The following BRAP variants were observed in gnomAD, a reference collection of about 807,000 sequenced individuals.
BRAP encodes the protein BRCA1-associated protein.
In BRAP, 42 loss-of-function variants were observed where a neutral mutation model predicts 73.4. That is an observed-to-expected ratio of 0.57 (90% CI 0.45 to 0.74). BRAP has a LOEUF of 0.74. BRAP is among the 30% of genes least tolerant of loss of function. The pLI is 0.00. For synonymous variants in BRAP, 255 were observed against 267.4 expected (o/e 0.95, Z 0.45); for missense variants, 593 against 751.4 (o/e 0.79, Z 2.46).
At position 111,665,709 on chromosome 12, in the gene BRAP, TCA is replaced by T; in HGVS notation, c.824_825del (p.Val275GlufsTer9). ...TTACATAACGTTGTGAGGATGCCATTCACAGACTCGTCCATGCGCTCCAGACA... is the reference window on the plus strand; with the variant it reads ...TTACATAACGTTGTGAGGATGCCATTCAGACTCGTCCATGCGCTCCAGACA... Reference protein sequence around the residue: ...TVCLERMDESVNGILTTLCNH... With the variant: ...TVCLERMDESXNGILTTLCNH... On this transcript the variant is annotated frameshift_variant, in exon 6 of 12. Coordinates refer to ENST00000419234, the MANE Select transcript of BRAP (RefSeq NM_006768.5). LOFTEE classifies it high-confidence loss of function. The surrounding 1 kb of genome is among the most constrained non-coding windows in gnomAD (Gnocchi z 4.3). 6.2e-7 allele frequency: 1 copy of T among 1,614,224 alleles called. No homozygotes were observed. Among genetic ancestry groups the T allele is most frequent in the Non-Finnish European group, 8.5e-7 (1 of 1,180,038 alleles).
intron 9 of BRAP, among the ~76,000 whole-genome samples, chr12:111,658,377 T>C (rs1350306289): frequency 6.6e-6 from 1 of 152,008 alleles, no homozygotes; most frequent in African/African-American, 2.4e-5. Flanking sequence ...CTCGGCTCAC[T>C]GCAACCTCTG....
intron 1 of BRAP, among the ~76,000 whole-genome samples, chr12:111,684,366 GC>G (rs1307656752): frequency 6.6e-6 from 1 of 152,164 alleles, no homozygotes; most frequent in Non-Finnish European, 1.5e-5. Context: ...GTGCTCATAA[GC>G]TATAAAGTCA....
chr12:111,660,810 T>A, intron 6 of BRAP, 135 bp from the exon 7 acceptor site: 1 of 554,322 alleles, frequency 1.8e-6, no homozygotes, highest in Non-Finnish European at 3.0e-6. Flanking sequence ...GGATATCACT[T>A]AAAATAAAAT....
intron 5 of BRAP, among the ~76,000 whole-genome samples, chr12:111,667,698 C>CAAAAAAAAAAAAAAAAAAAAA (rs565349424): frequency 1.5e-3 from 32 of 21,278 alleles, no homozygotes; most frequent in South Asian, 3.4e-3. Flanking sequence ...AACTCCGTCT[C>CAAAAAAAAAAAAAAAAAAAAA]AAAAAAAAAA....
rs901275618 is a variant in BRAP, at chr12:111,659,859, GT to G, written c.973-515del. 9.2e-5 allele frequency among the ~76,000 whole-genome samples: 14 copies of G among 151,366 alleles called. No individual in the cohort carries two copies. In the East Asian group the frequency reaches 1.9e-3, roughly 21 times the overall value. ...TAGCAAGACCCCAACTCTACAAAAT[GT>G]TTTTTTTGTAGAAAAAACAAAAACA... On this transcript the variant is annotated intron_variant, in intron 7 of 11. Transcript: ENST00000419234.
intron 11 of BRAP, among the ~76,000 whole-genome samples, chr12:111,648,014 A>C (rs937029690): frequency 6.6e-6 from 1 of 152,050 alleles, no homozygotes; most frequent in Admixed American, 6.6e-5. Flanking sequence ...AGATGTAGTG[A>C]GCTGGCCGAA....
chr12:111,685,103 T>C (rs1358609581), intron 1 of BRAP, among the ~76,000 whole-genome samples: 2 of 152,194 alleles, frequency 1.3e-5, no homozygotes, highest in Admixed American at 1.3e-4. Context: ...GCTCACTGAG[T>C]TAGAATCCCA....
intron 5 of BRAP, among the ~76,000 whole-genome samples, chr12:111,669,581 A>C (rs771473970): frequency 1.3e-5 from 2 of 152,144 alleles, no homozygotes; most frequent in Non-Finnish European, 2.9e-5. Flanking sequence ...CAATTCTTAA[A>C]AAGGTACCAT....
At chr12:111,684,302 A>G (rs1887714133) in intron 1 of BRAP, among the ~76,000 whole-genome samples, 1 of 152,198 alleles carries the variant, frequency 6.6e-6, no homozygotes, top group Non-Finnish European at 1.5e-5. Context: ...TATGCGGCTA[A>G]TATCAATTTA....
rs1430534534 is a variant in BRAP, at chr12:111,643,137, C to A, written c.*1062G>T. 1.3e-5 allele frequency: 2 copies of A among 152,120 alleles called. No individual in the cohort carries two copies. Among genetic ancestry groups the A allele is most frequent in the African/African-American group, 4.8e-5 (2 of 41,410 alleles). 9.4% of individuals were successfully genotyped at this position (152,120 alleles called of 1,614,324 possible). On this transcript the variant is annotated 3_prime_UTR_variant, in exon 12 of 12. Coordinates refer to ENST00000419234, the MANE Select transcript of BRAP (RefSeq NM_006768.5). ...TTATGGTTCCAGAGAGAGTACACAG[C>A]CCCTCTGTTGGCCCACACAAGCGTT...
Position 111,665,585 on chromosome 12 carries a change from T to C in BRAP, c.896+54A>G. The C allele has an allele frequency of 6.3e-7, 1 of 1,593,222 alleles. No homozygotes were observed. Among genetic ancestry groups the C allele is most frequent in the African/African-American group, 1.3e-5 (1 of 74,532 alleles). ...ATTTCTGCTGGTGGCTCTTTTTAAT[T>C]CTGGAAGGGTTGCAATGGGCTTGTA... is the stretch of plus-strand genomic sequence containing the variant. On this transcript the variant is annotated intron_variant, in intron 6 of 11. Coordinates refer to ENST00000419234, the MANE Select transcript of BRAP (RefSeq NM_006768.5). This position sits in a 1 kb window ranked among gnomAD's most constrained non-coding sequence, Gnocchi z 4.3.
At chr12:111,663,174 C>A (rs930392677) in intron 6 of BRAP, among the ~76,000 whole-genome samples, 31 of 152,138 alleles carry the variant, frequency 2.0e-4, no homozygotes, top group Admixed American at 1.9e-3. Context: ...AGTTTATCGG[C>A]CAGGCACAGT....
At chr12:111,660,848 G>C (rs2135908322) in intron 6 of BRAP, among the ~76,000 whole-genome samples, 173 bp from the exon 7 acceptor site, 1 of 152,188 alleles carries the variant, frequency 6.6e-6, no homozygotes. Flanking sequence ...ACAAAATCTT[G>C]ATAAAACAGA....
At chr12:111,676,798 G>C (rs1267075885) in intron 4 of BRAP, among the ~76,000 whole-genome samples, 1 of 152,176 alleles carries the variant, frequency 6.6e-6, no homozygotes, top group African/African-American at 2.4e-5. Flanking sequence ...AAGTGCTTCA[G>C]AGTTGGTAGC....
At chr12:111,671,289 C>A (rs1266565132) in intron 5 of BRAP, among the ~76,000 whole-genome samples, 5 of 152,120 alleles carry the variant, frequency 3.3e-5, no homozygotes, top group African/African-American at 1.2e-4. Context: ...GTGGCTCATG[C>A]TTATAATCCC....
chr12:111,658,687 G>C, intron 9 of BRAP, 49 bp downstream of exon 9: 1 of 1,327,120 alleles, frequency 7.5e-7, no homozygotes, highest in Non-Finnish European at 1.1e-6. Context: ...AATTAGAATA[G>C]TAAAGAGCAG....
chr12:111,673,669 T>C (rs772090621), intron 4 of BRAP, among the ~76,000 whole-genome samples: 8 of 152,088 alleles, frequency 5.3e-5, no homozygotes, highest in Non-Finnish European at 1.0e-4. Context: ...ATGGGTCCCA[T>C]CAGGAGGTCT....
At chr12:111,655,504 C>A in intron 10 of BRAP, 62 bp downstream of exon 10, 16 of 1,328,542 alleles carry the variant, frequency 1.2e-5, no homozygotes, top group Non-Finnish European at 1.7e-5. Flanking sequence ...GCCTTCCACA[C>A]CCCCCATCAG....
intron 3 of BRAP, among the ~76,000 whole-genome samples, chr12:111,680,675 G>GCCAC: frequency 6.6e-6 from 1 of 151,896 alleles, no homozygotes; most frequent in Non-Finnish European, 1.5e-5. Context: ...CTGAGTTATG[G>GCCAC]AGTGAGACCC....
Sources: allele counts gnomAD v4.1 joint callset (sites outside exome capture counted in the v4.1 genomes callset), GRCh38; gene constraint gnomAD v4.1.1; non-coding constraint Gnocchi (gnomAD v3.1); transcripts MANE v1.5; gene names NCBI Gene and HGNC (gene_info 2026-07-23, HGNC 2026-07-21).